Variants in NLRP7 observed in about 807,000 individuals in gnomAD.
NLRP7 encodes the protein NACHT, LRR and PYD domains-containing protein 7.
In NLRP7, 72 loss-of-function variants were observed where a neutral mutation model predicts 85.5. The ratio of observed to expected loss-of-function variants is 0.84; its 90% CI spans 0.70 to 1.02. The LOEUF (loss-of-function observed/expected upper bound fraction) is 1.02. Ranked by LOEUF, NLRP7 falls within the 50% of genes least tolerant of loss-of-function variation. NLRP7 has a pLI of 0.00. For synonymous variants in NLRP7, 550 were observed against 505.2 expected, an observed-to-expected ratio of 1.09 and a Z score of -1.19; for missense variants, 1,243 against 1,219.5, an observed-to-expected ratio of 1.02 and a Z score of -0.29.
intron 8 of NLRP7, 111 bp from the exon 9 acceptor site, chr19:54,930,777 G>A (rs927150569): frequency 3.4e-6 from 3 of 893,232 alleles, no homozygotes; most frequent in Admixed American, 1.9e-5. Context: ...ATGCAGTGCT[G>A]CACTCTTGGC....
intron 9 of NLRP7, among the ~76,000 whole-genome samples, chr19:54,926,227 T>TGTGTGTGTGC (rs372128868): frequency 0.077 from 11,618 of 150,626 alleles, 741 homozygotes; most frequent in East Asian, 0.32. Flanking sequence ...TGTGTGTGTG[T>TGTGTGTGTGC]GCTCATGCAC....
At chr19:54,932,559 G>A (rs2068722082) in intron 8 of NLRP7, among the ~76,000 whole-genome samples, 1 of 152,128 alleles carries the variant, frequency 6.6e-6, no homozygotes, top group Non-Finnish European at 1.5e-5. Context: ...CTCACGCTGG[G>A]CTTCTTTCCA....
chr19:54,925,941 A>G (rs2068414182), intron 9 of NLRP7, among the ~76,000 whole-genome samples: 1 of 151,652 alleles, frequency 6.6e-6, no homozygotes, highest in African/African-American at 2.4e-5. Context: ...TGGAGCTTGC[A>G]GTGAGCCGAG....
intron 9 of NLRP7, among the ~76,000 whole-genome samples, chr19:54,925,855 C>A (rs1278961628): frequency 1.3e-5 from 2 of 151,828 alleles, no homozygotes; most frequent in African/African-American, 4.8e-5. Context: ...AAAAAATTAG[C>A]CGGGCGTGGT....
chr19:54,940,545 GGCCA>G, intron 3 of NLRP7, 79 bp from the exon 4 acceptor site: 1 of 1,495,076 alleles, frequency 6.7e-7, no homozygotes, highest in South Asian at 1.1e-5. Flanking sequence ...CAGAAATGAG[GGCCA>G]GGCACGGTGT....
intron 9 of NLRP7, 141 bp from the exon 11 acceptor site, chr19:54,924,013 G>T: frequency 2.2e-6 from 2 of 898,792 alleles, no homozygotes; most frequent in Non-Finnish European, 3.5e-6. Flanking sequence ...TGTTGCCCAG[G>T]CTGGGGTACA....
chr19:54,937,466 C>A (rs1439035527), intron 5 of NLRP7, among the ~76,000 whole-genome samples: 1 of 151,818 alleles, frequency 6.6e-6, no homozygotes, highest in Non-Finnish European at 1.5e-5. Flanking sequence ...CCGAGGCAGG[C>A]GCATCACCTT....
chr19:54,947,624 C>T, upstream of NLRP7: 1 of 1,289,620 alleles, frequency 7.8e-7, no homozygotes, highest in Non-Finnish European at 1.0e-6. Context: ...TGGCTCCCAA[C>T]CACTGACCTC....
At position 54,933,563 on chromosome 19, in the gene NLRP7, A is replaced by T. The variant is rs2068764769; in HGVS notation, c.2642+6T>A. ...GCACACACACACACACCCAGCAGGG[A>T]CTTACACCAAGGTCTGCAGTTTACA... is the stretch of plus-strand genomic sequence containing the variant. On this transcript the variant is annotated splice_donor_region_variant and intron_variant, in intron 8 of 9. Transcript: ENST00000340844. The T allele has an allele frequency of 2.5e-6, 4 of 1,614,106 alleles. No individual in the cohort carries two copies. Among genetic ancestry groups the T allele is most frequent in the Non-Finnish European group, 3.4e-6 (4 of 1,179,990 alleles).
chr19:54,943,755 G>A (rs2069346467), intron 1 of NLRP7, among the ~76,000 whole-genome samples: 1 of 152,168 alleles, frequency 6.6e-6, no homozygotes, highest in African/African-American at 2.4e-5. Context: ...AAGGAGGACA[G>A]ATCAGACTGT....
At chr19:54,938,531 T>G (rs1234185058) in intron 4 of NLRP7, among the ~76,000 whole-genome samples, 2 of 152,070 alleles carry the variant, frequency 1.3e-5, no homozygotes. Context: ...TAAGACCAAC[T>G]TGGGCTAGAA....
exon 6 of NLRP7, chr19:54,936,332 C>G: frequency 6.2e-7 from 1 of 1,614,090 alleles, no homozygotes; most frequent in Non-Finnish European, 8.5e-7. Flanking sequence ...TGCGTTCCCA[C>G]TCGATGTGCC....
At chr19:54,943,284 CAG>C (rs1445416151) in intron 1 of NLRP7, among the ~76,000 whole-genome samples, 5 of 151,872 alleles carry the variant, frequency 3.3e-5, no homozygotes, top group African/African-American at 7.2e-5. Flanking sequence ...GCCTGGGTGA[CAG>C]AGTGAGGCCC....
At position 54,960,073 on chromosome 19, in the gene NLRP7, C is replaced by A. The variant is rs185313121; in HGVS notation, c.-77+5967G>T. 9.2e-5 allele frequency among the ~76,000 whole-genome samples: 14 copies of A among 152,086 alleles called. No homozygotes were observed. In the East Asian group the frequency reaches 2.1e-3, roughly 23 times the overall value. ...AGTTCCTCTTTTGGATCTCCAAACC[C>A]CTTTGCAGGTTCCATCTACCCGAAC... On this transcript the variant is annotated intron_variant, in intron 1 of 2. Coordinates refer to the NLRP7 transcript ENST00000587103.
intron 1 of NLRP7, among the ~76,000 whole-genome samples, chr19:54,942,117 G>T (rs746367639): frequency 6.6e-6 from 1 of 151,970 alleles, no homozygotes; most frequent in Admixed American, 6.6e-5. Context: ...TTAGCAGGGC[G>T]TGGTGGCGGG....
chr19:54,942,397 C>CA (rs2069273893), intron 1 of NLRP7, among the ~76,000 whole-genome samples: 1 of 151,288 alleles, frequency 6.6e-6, no homozygotes, highest in South Asian at 2.1e-4. Context: ...ACTGATAGTA[C>CA]AAAATCACAA....
At chr19:54,965,550 G>T (rs2070335387) in intron 1 of NLRP7, among the ~76,000 whole-genome samples, 2 of 88,294 alleles carry the variant, frequency 2.3e-5, no homozygotes, top group Non-Finnish European at 4.7e-5. Flanking sequence ...CCGCCTCCCG[G>T]GTTCACGCCA....
chr19:54,933,592 AG>A lies in NLRP7; in HGVS notation c.2618del (p.Pro873LeufsTer15). The A allele has an allele frequency of 1.2e-6, 2 of 1,614,216 alleles. No individual in the cohort carries two copies. The highest frequency in any genetic ancestry group is 1.7e-6 in the Non-Finnish European group (2 of 1,180,040). ...ACACCAAGGTCTGCAGTTTACAATC[AG>A]GGTAACTCAAGCCCTCACACAGAAA... On this transcript the variant is annotated frameshift_variant, in exon 8 of 10. Coordinates refer to ENST00000340844, the Ensembl canonical transcript of NLRP7. LOFTEE classifies it high-confidence loss of function.
chr19:54,937,900 CAAA>C (rs59058059), intron 5 of NLRP7, 141 bp downstream of exon 5: 7,986 of 489,796 alleles, frequency 0.016, no homozygotes, highest in East Asian at 0.022. Flanking sequence ...TCCGTCTCAC[CAAA>C]AAAAAAAAAA....
Sources: gnomAD v4.1 joint callset for allele counts (sites outside exome capture counted in the v4.1 genomes callset) on GRCh38, gnomAD v4.1.1 for gene constraint, MANE v1.5 for transcripts, NCBI Gene and HGNC (gene_info 2026-07-23, HGNC 2026-07-21) for gene names.